DNAH17: variants seen among roughly 807,000 people sequenced by gnomAD.
The protein encoded by DNAH17 is axonemal beta dynein heavy chain 17.
DNAH17 carries 376 observed loss-of-function variants against 485.6 expected under a neutral mutation model. That is an observed-to-expected ratio of 0.77 (90% CI 0.71 to 0.84). DNAH17 has a LOEUF of 0.84. DNAH17 is among the 40% of genes least tolerant of loss of function. DNAH17 has a pLI of 0.00. For missense variants in DNAH17, 6,370 were observed against 5,839.3 expected (o/e 1.09, Z -2.96); for synonymous variants, 3,031 against 2,405.9 (o/e 1.26, Z -7.60).
intron 7 of DNAH17, among the ~76,000 whole-genome samples, chr17:78,569,917 G>A (rs1358640901): frequency 2.0e-5 from 3 of 151,590 alleles, no homozygotes; most frequent in Non-Finnish European, 4.4e-5. Context: ...AGGAAAAGAA[G>A]TCTCTGCTAA....
chr17:78,507,231 G>T (rs2090509792), intron 29 of DNAH17, 47 bp downstream of exon 29: 1 of 1,601,860 alleles, frequency 6.2e-7, no homozygotes, highest in Middle Eastern at 1.7e-4. Flanking sequence ...AAGACTTAGG[G>T]AATCTGCACC....
chr17:78,466,948 C>T (rs2088498086), intron 55 of DNAH17, 132 bp from the exon 56 acceptor site: 1 of 929,424 alleles, frequency 1.1e-6, no homozygotes, highest in Admixed American at 3.4e-5. Flanking sequence ...CTGGGCAGCA[C>T]AGTCCTGGTT....
At position 78,462,861 on chromosome 17, in the gene DNAH17, G is replaced by A. The variant is rs200868511; in HGVS notation, c.9157C>T (p.Gln3053Ter). The A allele has an allele frequency of 2.2e-4, 348 of 1,613,840 alleles. 1 individual carries two copies. The highest frequency in any genetic ancestry group is 2.7e-4 in the Non-Finnish European group (323 of 1,179,876). ...TCTCCTACCTGGGAAGCCGTGCTCTGCAGCTTCATCAGGCCGTTCTCCAGC... is the reference window on the plus strand; with the variant it reads ...TCTCCTACCTGGGAAGCCGTGCTCTACAGCTTCATCAGGCCGTTCTCCAGC... ...ERLENGLMKL[Q>*]STASQVDDLK... The change falls in exon 57 of 81, where the codon CAG becomes TAG. Residue 3053 changes from glutamine (Q) to a stop codon, truncating the protein, a stop_gained. Transcript: ENST00000389840. LOFTEE classifies it high-confidence loss of function.
At chr17:78,490,218 G>A (rs535774873) in intron 44 of DNAH17, 50 of 154,986 alleles carry the variant, frequency 3.2e-4, no homozygotes, top group African/African-American at 5.5e-4. Flanking sequence ...CAGCATCAGC[G>A]CCTTCCCGTC....
At chr17:78,474,350 C>T (rs967950665) in intron 54 of DNAH17, among the ~76,000 whole-genome samples, 3 of 152,384 alleles carry the variant, frequency 2.0e-5, no homozygotes, top group African/African-American at 7.2e-5. Context: ...ACGATGATTC[C>T]TTCTGAACTA....
intron 75 of DNAH17, among the ~76,000 whole-genome samples, chr17:78,432,907 C>A (rs1404812245): frequency 3.4e-5 from 4 of 118,760 alleles, no homozygotes; most frequent in South Asian, 6.8e-4. Context: ...AACGTGCCCC[C>A]CCCCCCCGAC....
rs2086554296 is a variant in DNAH17 at position 78,428,403 on chromosome 17, G to A, written c.12588+122C>T. On this transcript the variant is annotated intron_variant, in intron 77 of 80. Transcript: ENST00000389840. The stretch of plus-strand genomic sequence containing the variant: ...CAGTGTTTCTGATACCCAAGCCCAA[G>A]GCTGGGGCAGAGTGTACCTCACCAG... 7.2e-6 allele frequency: 9 copies of A among 1,250,372 alleles called. No homozygotes were observed. In the South Asian group the frequency reaches 1.0e-4, roughly 14 times the overall value. 77.5% of individuals were successfully genotyped at this position (1,250,372 alleles called of 1,614,324 possible).
chr17:78,522,594 G>A (rs2090960998), intron 25 of DNAH17: 2 of 277,668 alleles, frequency 7.2e-6, no homozygotes, highest in Admixed American at 5.6e-5. Flanking sequence ...ACTGGGCCTG[G>A]GTCTGCAACA....
At position 78,499,126 on chromosome 17, in the gene DNAH17, G is replaced by A; in HGVS notation, c.5641-14C>T. The A allele has an allele frequency of 6.5e-7, 1 of 1,549,470 alleles. No individual in the cohort carries two copies. The highest frequency in any genetic ancestry group is 8.7e-7 in the Non-Finnish European group (1 of 1,145,962). ...ATTTCCACAGGACTGGAAAGGGCGA[G>A]ATGGAGAAAGGAAGAGCTGGGAGGG... On this transcript the variant is annotated splice_polypyrimidine_tract_variant and intron_variant, in intron 36 of 80. Coordinates refer to ENST00000389840, the MANE Select transcript of DNAH17 (RefSeq NM_173628.4).
chr17:78,541,904 G>A (rs2091601157), intron 17 of DNAH17, among the ~76,000 whole-genome samples: 1 of 152,148 alleles, frequency 6.6e-6, no homozygotes, highest in South Asian at 2.1e-4. Flanking sequence ...CTGGCACCGT[G>A]GCAGGGAGGG....
intron 11 of DNAH17, 36 bp downstream of exon 11, chr17:78,566,578 G>A: frequency 7.0e-7 from 1 of 1,433,812 alleles, no homozygotes; most frequent in Non-Finnish European, 9.7e-7. Context: ...ACAGTGCCAG[G>A]CTCCAGATCT....
chr17:78,501,997 C>G, intron 33 of DNAH17, 124 bp from the exon 34 acceptor site: 3 of 1,409,570 alleles, frequency 2.1e-6, no homozygotes, highest in Non-Finnish European at 2.9e-6. Context: ...TAATGAAAAA[C>G]AAGAGCGCCC....
chr17:78,483,355 C>T (rs530942769), intron 48 of DNAH17, among the ~76,000 whole-genome samples: 11 of 152,306 alleles, frequency 7.2e-5, no homozygotes, highest in African/African-American at 1.4e-4. Flanking sequence ...TCTGGCTGAG[C>T]GTGGTGGCTC....
intron 56 of DNAH17, among the ~76,000 whole-genome samples, chr17:78,464,521 A>G (rs2088315946): frequency 6.6e-6 from 1 of 152,212 alleles, no homozygotes; most frequent in African/African-American, 2.4e-5. Flanking sequence ...TTGGCCCCCC[A>G]AAGTGCTGGG....
At position 78,526,980 on chromosome 17, in the gene DNAH17, C is replaced by T; in HGVS notation, c.3524G>A (p.Trp1175Ter). Reference protein sequence around the residue: ...HLKLQELPEHWANTKKLAIQV... With the variant: ...HLKLQELPEH The stretch of plus-strand genomic sequence containing the variant: ...AATGGCCAGTTTCTTGGTATTTGCC[C>T]AGTGCTCCGGCAGCTCCTGCGGGAA... Residue 1175 changes from tryptophan (W) to a stop codon, truncating the protein, a stop_gained, in exon 23 of 81, where the codon TGG becomes TAG. Coordinates refer to ENST00000389840, the MANE Select transcript of DNAH17 (RefSeq NM_173628.4). LOFTEE classifies it high-confidence loss of function. 1.9e-6 allele frequency: 3 copies of T among 1,582,220 alleles called. No homozygotes were observed. The highest frequency in any genetic ancestry group is 2.6e-6 in the Non-Finnish European group (3 of 1,164,084).
chr17:78,531,584 C>A (rs57247787), intron 20 of DNAH17, among the ~76,000 whole-genome samples: 1 of 152,014 alleles, frequency 6.6e-6, no homozygotes, highest in Non-Finnish European at 1.5e-5. Flanking sequence ...ACGATCCAAC[C>A]GCCTCGGCCT....
intron 5 of DNAH17, 23 bp downstream of exon 5, chr17:78,571,256 T>C (rs2092353359): frequency 3.1e-6 from 5 of 1,599,064 alleles, no homozygotes; most frequent in Non-Finnish European, 4.3e-6. Context: ...CGTGCAGAAC[T>C]CATGACAGGG....
chr17:78,503,181 T>A (rs2090361555), intron 31 of DNAH17, 170 bp from the exon 32 acceptor site: 11 of 636,222 alleles, frequency 1.7e-5, no homozygotes, highest in Non-Finnish European at 2.5e-5. Flanking sequence ...TTTTTTTTTT[T>A]TTTTTTTTTT....
In DNAH17 at chr17:78,503,169, C is replaced by CT. The variant is rs397856727; in HGVS notation, c.4957-159dup. 432 of 127,564 alleles carry CT rather than the reference C, an allele frequency of 3.4e-3. 6 individuals carry two copies. The highest frequency in any genetic ancestry group is 4.3e-3 in the Non-Finnish European group (322 of 75,724). The allele number at this position is 127,564 out of a possible 1,614,324, so 7.9% of individuals were successfully genotyped here. A position where few individuals can be genotyped will look rare whatever the true frequency, so the allele number is the denominator to read the frequency against. ...TTACAGAGCAGTAACAGTGACACAC[C>CT]TTTTTTTTTTTTTTTTTTTTTTTTT... On this transcript the variant is annotated intron_variant, in intron 31 of 80. Transcript: ENST00000389840.
Sources: allele counts gnomAD v4.1 joint callset (sites outside exome capture counted in the v4.1 genomes callset), GRCh38; gene constraint gnomAD v4.1.1; transcripts MANE v1.5; gene names NCBI Gene and HGNC (gene_info 2026-07-23, HGNC 2026-07-21).